RRM1: variants seen among roughly 807,000 people sequenced by gnomAD.
RRM1 encodes the protein ribonucleoside-diphosphate reductase large subunit.
Under a neutral mutation model 101.5 loss-of-function variants are expected in RRM1, and 19 were observed. The ratio of observed to expected loss-of-function variants is 0.19; its 90% CI spans 0.13 to 0.27. The LOEUF is 0.27. Among genes scored for constraint, RRM1 ranks in the 10% least tolerant of loss-of-function variants. The pLI is 1.00. For synonymous variants in RRM1, 298 were observed against 323.4 expected (o/e 0.92, Z 0.84); for missense variants, 500 against 962.9 (o/e 0.52, Z 6.36).
chr11:4,101,393 A>G (rs1590710978), intron 1 of RRM1, among the ~76,000 whole-genome samples: 2 of 151,744 alleles, frequency 1.3e-5, no homozygotes, highest in African/African-American at 4.8e-5. Context: ...GCTCACTGCA[A>G]CCTCCGCCTC....
At chr11:4,103,876 G>A (rs1465537738) in intron 2 of RRM1, among the ~76,000 whole-genome samples, 2 of 133,262 alleles carry the variant, frequency 1.5e-5, no homozygotes, top group African/African-American at 5.8e-5. Context: ...TTATCTGTCC[G>A]CCTTGGCCTC....
intron 12 of RRM1, 71 bp from the exon 13 acceptor site, chr11:4,126,613 A>G (rs232050): frequency 4.2e-6 from 6 of 1,412,484 alleles, no homozygotes; most frequent in Non-Finnish European, 5.8e-6. Flanking sequence ...AGAGGCTCAC[A>G]TGGTGGTGTA....
chr11:4,110,653 C>T (rs2094564070), intron 5 of RRM1, among the ~76,000 whole-genome samples: 1 of 151,176 alleles, frequency 6.6e-6, no homozygotes, highest in African/African-American at 2.4e-5. Context: ...CCTGTAATTC[C>T]AGCTACTTGG....
Position 4,138,154 on chromosome 11 carries a change from C to T in RRM1, c.2191-41C>T, listed in dbSNP as rs573526379. The T allele has an allele frequency of 2.7e-5, 32 of 1,197,826 alleles. No individual in the cohort carries two copies. In the South Asian group the frequency reaches 4.4e-4, roughly 16 times the overall value. The allele number at this position is 1,197,826 out of a possible 1,614,324, so 74.2% of individuals were successfully genotyped here. On this transcript the variant is annotated intron_variant, in intron 18 of 18. Coordinates refer to ENST00000300738, the MANE Select transcript of RRM1 (RefSeq NM_001033.5). Reference sequence around the variant, plus strand: ...ATTGGTGTGGAATGTCTAGTATTCTCACAGAGTTTCTCCTAATAATTGTCT... The same window carrying T: ...ATTGGTGTGGAATGTCTAGTATTCTTACAGAGTTTCTCCTAATAATTGTCT...
At position 4,118,226 on chromosome 11, in the gene RRM1, T is replaced by TC. The variant is rs994773978; in HGVS notation, c.651-94_651-93insC. On this transcript the variant is annotated intron_variant, in intron 7 of 18. Coordinates refer to ENST00000300738, the MANE Select transcript of RRM1 (RefSeq NM_001033.5). ...AACTTTCTAAACTTCAACTCTTTTT[T>TC]TTTTTTTTGCCTTAGTGTCTTTGTG... is the stretch of plus-strand genomic sequence containing the variant. The TC allele has an allele frequency of 7.4e-6, 9 of 1,222,048 alleles. No individual in the cohort carries two copies. The African/African-American group carries it at 1.1e-4, about 15-fold the overall frequency. 75.7% of individuals were successfully genotyped at this position (1,222,048 alleles called of 1,614,324 possible).
At chr11:4,097,735 A>G (rs1200937843) in intron 1 of RRM1, among the ~76,000 whole-genome samples, 2 of 152,080 alleles carry the variant, frequency 1.3e-5, no homozygotes, top group African/African-American at 4.8e-5. Flanking sequence ...GGGACTACAG[A>G]TGTGTGCCAC....
intron 1 of RRM1, among the ~76,000 whole-genome samples, chr11:4,100,381 G>A (rs570228039): frequency 2.6e-5 from 4 of 152,108 alleles, no homozygotes; most frequent in East Asian, 1.9e-4. Flanking sequence ...GAAGTGTTTC[G>A]GATTTTGGAT....
At chr11:4,096,314 G>A (rs116118453) in intron 1 of RRM1, among the ~76,000 whole-genome samples, 3 of 152,330 alleles carry the variant, frequency 2.0e-5, no homozygotes, top group African/African-American at 7.2e-5. Flanking sequence ...CAAGCAAGAT[G>A]GAGACTTTTC....
chr11:4,130,122 G>T (rs2094597449), intron 15 of RRM1, among the ~76,000 whole-genome samples: 5 of 89,500 alleles, frequency 5.6e-5, no homozygotes, highest in East Asian at 3.3e-4. Context: ...AAATACTATG[G>T]CTTAGTTTTT....
intron 18 of RRM1, 62 bp downstream of exon 18, chr11:4,135,332 AT>A: frequency 7.5e-7 from 1 of 1,333,952 alleles, no homozygotes; most frequent in Non-Finnish European, 1.0e-6. Flanking sequence ...CATTGGAATG[AT>A]TTTATGTTTT....
intron 2 of RRM1, among the ~76,000 whole-genome samples, chr11:4,103,457 C>T (rs2094554317): frequency 6.6e-6 from 1 of 151,658 alleles, no homozygotes; most frequent in African/African-American, 2.4e-5. Context: ...GGGAGAAGCA[C>T]CTAGGTCTCT....
At chr11:4,116,468 C>T (rs1590721522) in intron 7 of RRM1, 1 of 148,588 alleles carries the variant, frequency 6.7e-6, no homozygotes, top group Admixed American at 6.7e-5. Flanking sequence ...GGCGTATGCC[C>T]ATAATCCCAG....
chr11:4,106,096 A>G lies in RRM1; in HGVS notation c.159A>G (p.Thr53=). The G allele has an allele frequency of 3.1e-6, 5 of 1,614,004 alleles. No homozygotes were observed. The highest frequency in any genetic ancestry group is 4.2e-6 in the Non-Finnish European group (5 of 1,179,868). ...VIQGLYSGVT[T]VELDTLAAET... is the part of the protein sequence containing the mutation. The stretch of plus-strand genomic sequence containing the variant: ...AAGGCTTGTACAGTGGGGTCACCAC[A>G]GTGGAACTAGATACTTTGGCTGCTG... The change falls in exon 3 of 19, where the codon ACA becomes ACG. Residue 53 remains threonine (T), a synonymous_variant. Coordinates refer to ENST00000300738, the MANE Select transcript of RRM1 (RefSeq NM_001033.5).
Position 4,106,373 on chromosome 11 carries a change from C to T in RRM1, c.286+150C>T. Reference sequence around the variant, plus strand: ...CAGCAATTTGGGAGGCCAAGGCAGGCAAATCGCTTGAGTCCAGGAGTTTGA... The same window carrying T: ...CAGCAATTTGGGAGGCCAAGGCAGGTAAATCGCTTGAGTCCAGGAGTTTGA... On this transcript the variant is annotated intron_variant, in intron 3 of 18. Transcript: ENST00000300738. The T allele has an allele frequency of 1.8e-5, 12 of 660,576 alleles. No homozygotes were observed. The South Asian group carries it at 1.8e-4, about 10-fold the overall frequency. 40.9% of individuals were successfully genotyped at this position (660,576 alleles called of 1,614,324 possible). A position where few individuals can be genotyped will look rare whatever the true frequency, so the allele number is the denominator to read the frequency against.
chr11:4,095,285 C>G (rs2094542060), intron 1 of RRM1, among the ~76,000 whole-genome samples: 1 of 152,232 alleles, frequency 6.6e-6, no homozygotes, highest in Non-Finnish European at 1.5e-5. Context: ...ACACTTACCC[C>G]GTATCGAGTA....
intron 2 of RRM1, among the ~76,000 whole-genome samples, chr11:4,105,313 C>G: frequency 6.6e-6 from 1 of 151,380 alleles, no homozygotes; most frequent in Middle Eastern, 3.6e-3. Context: ...TCAGTGCAGT[C>G]TTGACTTCCT....
chr11:4,130,066 TTA>T (rs746526097), intron 15 of RRM1, among the ~76,000 whole-genome samples: 3 of 32,988 alleles, frequency 9.1e-5, no homozygotes, highest in East Asian at 9.7e-4. Context: ...TGTACTGTAT[TTA>T]TATATATATA....
chr11:4,132,307 A>G lies in RRM1; in HGVS notation c.1791A>G (p.Leu597=). 1.9e-6 allele frequency: 3 copies of G among 1,614,134 alleles called. No individual in the cohort carries two copies. Among genetic ancestry groups the G allele is most frequent in the Non-Finnish European group, 2.5e-6 (3 of 1,179,986 alleles). The change falls in exon 16 of 19, where the codon TTA becomes TTG. Residue 597 remains leucine (L), a synonymous_variant. Coordinates refer to ENST00000300738, the MANE Select transcript of RRM1 (RefSeq NM_001033.5). The surrounding 1 kb of genome is among the most constrained non-coding windows in gnomAD (Gnocchi z 4.1). The stretch of plus-strand genomic sequence containing the variant: ...TTAGGTATGGTATAAGAAACAGTTT[A>G]CTTATTGCCCCGATGCCTACAGCTT... The part of the protein sequence containing the change: ...KIAKYGIRNS[L]LIAPMPTAST...
chr11:4,138,515 T>A lies in RRM1; in HGVS notation c.*132T>A. The A allele has an allele frequency of 4.2e-6, 2 of 480,168 alleles. No individual in the cohort carries two copies. The highest frequency in any genetic ancestry group is 6.8e-6 in the Non-Finnish European group (2 of 293,234). 29.7% of individuals were successfully genotyped at this position (480,168 alleles called of 1,614,324 possible). ...TTGCAGGCAAAAGGAGTAATTGATT[T>A]AAAGTACTGTTAATGATGATAATGA... On this transcript the variant is annotated 3_prime_UTR_variant, in exon 19 of 19. Coordinates refer to ENST00000300738, the MANE Select transcript of RRM1 (RefSeq NM_001033.5).
Sources: allele counts gnomAD v4.1 joint callset (sites outside exome capture counted in the v4.1 genomes callset), GRCh38; gene constraint gnomAD v4.1.1; non-coding constraint Gnocchi (gnomAD v3.1); transcripts MANE v1.5; gene names NCBI Gene and HGNC (gene_info 2026-07-23, HGNC 2026-07-21).